The following UGT1A7 variants were observed in gnomAD, a reference collection of about 807,000 sequenced individuals.
UGT1A7 encodes the protein UDP glucuronosyltransferase family 1 member A7, also known as UDP-glucuronosyltransferase 1A7.
In UGT1A7, 33 loss-of-function variants were observed where a neutral mutation model predicts 45.6. The observed-to-expected ratio is 0.72, with a 90% CI of 0.55 to 0.97. The LOEUF (loss-of-function observed/expected upper bound fraction) is 0.97. Among genes scored for constraint, UGT1A7 ranks in the 50% least tolerant of loss-of-function variants. The pLI is 0.00. For synonymous variants in UGT1A7, 274 were observed against 250.6 expected, an observed-to-expected ratio of 1.09 and a Z score of -0.88; for missense variants, 684 against 666.2, an observed-to-expected ratio of 1.03 and a Z score of -0.29.
intron 1 of UGT1A7, chr2:233,693,716 A>G (rs758904923): frequency 1.2e-6 from 2 of 1,614,204 alleles, no homozygotes; most frequent in Non-Finnish European, 8.5e-7. Context: ...AGCTGTCCTC[A>G]AGAGAGATGT....
chr2:233,709,425 C>A (rs1055346708), intron 1 of UGT1A7, among the ~76,000 whole-genome samples: 1 of 152,240 alleles, frequency 6.6e-6, no homozygotes, highest in South Asian at 2.1e-4. Flanking sequence ...AGAATGTCCT[C>A]CAGAAAGGAT....
At chr2:233,738,804 C>A (rs532221279) in intron 1 of UGT1A7, 1 of 152,292 alleles carries the variant, frequency 6.6e-6, no homozygotes, top group African/African-American at 2.4e-5. Flanking sequence ...GAAATACTAG[C>A]TAAAGAAATT....
At chr2:233,746,615 T>G (rs1693440411) in intron 1 of UGT1A7, among the ~76,000 whole-genome samples, 1 of 151,704 alleles carries the variant, frequency 6.6e-6, no homozygotes, top group Non-Finnish European at 1.5e-5. Flanking sequence ...ACCTGACCCC[T>G]CCTTTCAGGC....
At chr2:233,715,843 A>G (rs1265547355) in intron 1 of UGT1A7, among the ~76,000 whole-genome samples, 1 of 152,196 alleles carries the variant, frequency 6.6e-6, no homozygotes, top group Non-Finnish European at 1.5e-5. Context: ...TAAAACTCCA[A>G]TATGAAAAGC....
chr2:233,744,298 C>CAA (rs1268189339), intron 1 of UGT1A7, among the ~76,000 whole-genome samples: 1 of 151,760 alleles, frequency 6.6e-6, no homozygotes, highest in Non-Finnish European at 1.5e-5. Flanking sequence ...TTTCCTCGGC[C>CAA]ACAGGAGGGA....
chr2:233,747,849 A>C, intron 1 of UGT1A7: 1 of 1,613,552 alleles, frequency 6.2e-7, no homozygotes. Flanking sequence ...AAGGGTCAAG[A>C]ACATGCTCTA....
chr2:233,765,894 C>T (rs527736361), intron 1 of UGT1A7, among the ~76,000 whole-genome samples: 4 of 152,178 alleles, frequency 2.6e-5, no homozygotes, highest in African/African-American at 9.6e-5. Context: ...CAGTGCGCCA[C>T]TGCTCAAACC....
intron 1 of UGT1A7, among the ~76,000 whole-genome samples, chr2:233,704,467 C>T (rs2075790222): frequency 6.6e-6 from 1 of 151,994 alleles, no homozygotes; most frequent in South Asian, 2.1e-4. Flanking sequence ...GCTCTATTTC[C>T]TTTCTCCCCT....
At chr2:233,755,969 A>T (rs2125939557) in intron 1 of UGT1A7, 1 of 152,304 alleles carries the variant, frequency 6.6e-6, no homozygotes, top group African/African-American at 2.4e-5. Context: ...GGCTCTATAG[A>T]GAGGTGGATT....
chr2:233,729,169 G>T (rs770212311), intron 1 of UGT1A7: 2 of 1,613,626 alleles, frequency 1.2e-6, no homozygotes, highest in African/African-American at 2.7e-5. Context: ...GCTGGCCACA[G>T]GACTGCTGCT....
chr2:233,762,557 A>G (rs1283920878), intron 1 of UGT1A7, among the ~76,000 whole-genome samples: 3 of 152,170 alleles, frequency 2.0e-5, no homozygotes. Flanking sequence ...TCTGCTGGAG[A>G]TCTAGTCTAG....
chr2:233,682,755 G>A lies in UGT1A7; in HGVS notation c.818G>A (p.Gly273Asp), dbSNP rs773040250. Residue 273 changes from glycine (G) to aspartate (D), a missense_variant, in exon 1 of 5, where the codon GGT becomes GAT. By Grantham distance (94) the Gly-to-Asp change is moderately conservative. Coordinates refer to ENST00000373426, the MANE Select transcript of UGT1A7 (RefSeq NM_019077.3). The part of the protein sequence containing the change: ...KPVMPNMIFI[G>D]GINCHQGKPV... ...GTGATGCCCAATATGATCTTCATTG[G>A]TGGTATCAACTGTCATCAGGGAAAG... The A allele has an allele frequency of 1.2e-6, 2 of 1,613,724 alleles. No individual in the cohort carries two copies. The highest frequency in any genetic ancestry group is 1.7e-5 in the Admixed American group (1 of 59,988).
chr2:233,700,547 G>A (rs949945687), intron 1 of UGT1A7, among the ~76,000 whole-genome samples: 1 of 152,060 alleles, frequency 6.6e-6, no homozygotes. Context: ...ATGAGAATAA[G>A]GGGTTATAAA....
chr2:233,738,357 G>C (rs1375014777), intron 1 of UGT1A7, among the ~76,000 whole-genome samples: 1 of 152,206 alleles, frequency 6.6e-6, no homozygotes, highest in Non-Finnish European at 1.5e-5. Flanking sequence ...GGAGAGTGGG[G>C]TACTGCTATA....
At chr2:233,713,858 G>C (rs1294382978) in intron 1 of UGT1A7, 5 of 1,613,740 alleles carry the variant, frequency 3.1e-6, no homozygotes, top group African/African-American at 1.3e-5. Flanking sequence ...CACTATCTCA[G>C]GTCTGTATTG....
Position 233,725,061 on chromosome 2 carries a change from C to A in UGT1A7, c.856-41973C>A, listed in dbSNP as rs1212157566. ...AACCAGTCAGGCGTGGCGGCGCGCG[C>A]CTGCAATCGCAGGCACTCGGCAGGC... On this transcript the variant is annotated intron_variant, in intron 1 of 4. Coordinates refer to ENST00000373426, the MANE Select transcript of UGT1A7 (RefSeq NM_019077.3). Among the ~76,000 whole-genome samples, 5 of 147,130 alleles carry A rather than the reference C, an allele frequency of 3.4e-5. 1 individual carries two copies. The highest frequency in any genetic ancestry group is 1.3e-4 in the African/African-American group (5 of 39,402).
chr2:233,731,467 G>C (rs1024241459), intron 1 of UGT1A7, among the ~76,000 whole-genome samples: 1 of 152,074 alleles, frequency 6.6e-6, no homozygotes, highest in Admixed American at 6.5e-5. Context: ...CCTGGCGTGT[G>C]ATGTTCCCTG....
At chr2:233,729,082 G>C (rs2077787378) in intron 1 of UGT1A7, 1 of 1,612,252 alleles carries the variant, frequency 6.2e-7, no homozygotes, top group Non-Finnish European at 8.5e-7. Context: ...AATGTAGCAG[G>C]CACAGCGTGG....
At chr2:233,725,856 C>A (rs918476414) in intron 1 of UGT1A7, among the ~76,000 whole-genome samples, 16 of 151,998 alleles carry the variant, frequency 1.1e-4, no homozygotes, top group Non-Finnish European at 2.4e-4. Flanking sequence ...TTTCAATTCC[C>A]CATCTCTTTT....
Sources: gnomAD v4.1 joint callset for allele counts (sites outside exome capture counted in the v4.1 genomes callset) on GRCh38, gnomAD v4.1.1 for gene constraint, MANE v1.5 for transcripts, NCBI Gene and HGNC (gene_info 2026-07-23, HGNC 2026-07-21) for gene names.